Variants in NT5E observed in about 807,000 individuals in gnomAD.
NT5E encodes 5'-nucleotidase.
In NT5E, 53 loss-of-function variants were observed where a neutral mutation model predicts 55.1. The observed-to-expected ratio is 0.96, with a 90% CI of 0.77 to 1.21. NT5E has a LOEUF of 1.21. Ranked by LOEUF, NT5E falls within the 50% of genes most tolerant of loss-of-function variation. The pLI, the probability that NT5E is intolerant of heterozygous loss-of-function variation, is 0.00. For synonymous variants in NT5E, 270 were observed against 278.4 expected, an observed-to-expected ratio of 0.97 and a Z score of 0.30; for missense variants, 683 against 724.3, an observed-to-expected ratio of 0.94 and a Z score of 0.65.
intron 1 of NT5E, among the ~76,000 whole-genome samples, chr6:85,453,812 G>T (rs1394773867): frequency 6.6e-6 from 1 of 152,182 alleles, no homozygotes; most frequent in Non-Finnish European, 1.5e-5. Flanking sequence ...CAGGGGACAG[G>T]TTAGTCAGAT....
intron 3 of NT5E, among the ~76,000 whole-genome samples, chr6:85,474,396 C>T (rs533520612): frequency 6.6e-6 from 1 of 152,152 alleles, no homozygotes; most frequent in African/African-American, 2.4e-5. Context: ...ACTGTATGTG[C>T]CTTTGCTAAG....
intron 5 of NT5E, among the ~76,000 whole-genome samples, chr6:85,489,012 GTC>G (rs1287940190): frequency 2.0e-5 from 3 of 151,602 alleles, no homozygotes; most frequent in African/African-American, 7.3e-5. Flanking sequence ...TCAAAAGGCT[GTC>G]TCTGTCTTTC....
At chr6:85,468,187 G>GTTA (rs1769233291) in intron 2 of NT5E, among the ~76,000 whole-genome samples, 2 of 152,178 alleles carry the variant, frequency 1.3e-5, no homozygotes, top group Admixed American at 6.5e-5. Flanking sequence ...TGTTGTTGTT[G>GTTA]TTATAAAATA....
chr6:85,468,589 T>C (rs1769241060), intron 2 of NT5E, among the ~76,000 whole-genome samples: 1 of 152,076 alleles, frequency 6.6e-6, no homozygotes, highest in Admixed American at 6.6e-5. Context: ...CTGGGATGAA[T>C]ACATGAGAGC....
intron 1 of NT5E, among the ~76,000 whole-genome samples, chr6:85,454,056 C>T (rs952265447): frequency 2.0e-5 from 3 of 152,174 alleles, no homozygotes; most frequent in Non-Finnish European, 2.9e-5. Context: ...ACCTATACAT[C>T]ACTGTGAATT....
intron 3 of NT5E, among the ~76,000 whole-genome samples, chr6:85,479,577 AG>A (rs1217045214): frequency 6.6e-6 from 1 of 152,214 alleles, no homozygotes; most frequent in Admixed American, 6.5e-5. Flanking sequence ...CCTTTCACAC[AG>A]CAGTAGACAA....
intron 1 of NT5E, among the ~76,000 whole-genome samples, chr6:85,463,630 T>C (rs1769135842): frequency 6.6e-6 from 1 of 152,222 alleles, no homozygotes; most frequent in South Asian, 2.1e-4. Context: ...TGTTCTTCTC[T>C]TGGGCAGTCT....
At chr6:85,483,067 T>C (rs1420142131) in intron 3 of NT5E, among the ~76,000 whole-genome samples, 3 of 152,260 alleles carry the variant, frequency 2.0e-5, no homozygotes, top group Non-Finnish European at 4.4e-5. Flanking sequence ...CCTATTTGCA[T>C]AGTAGTGCAT....
At chr6:85,459,830 C>T (rs1022399500) in intron 1 of NT5E, among the ~76,000 whole-genome samples, 4 of 152,118 alleles carry the variant, frequency 2.6e-5, no homozygotes, top group Non-Finnish European at 4.4e-5. Flanking sequence ...TTGGGTAAAC[C>T]CTGTTCACTA....
chr6:85,473,328 G>T (rs1769356489), intron 3 of NT5E, among the ~76,000 whole-genome samples: 1 of 152,162 alleles, frequency 6.6e-6, no homozygotes, highest in Non-Finnish European at 1.5e-5. Context: ...TTTAATATGT[G>T]TAATGAATGT....
chr6:85,479,654 T>A (rs1030896203), intron 3 of NT5E, among the ~76,000 whole-genome samples: 2 of 152,138 alleles, frequency 1.3e-5, no homozygotes, highest in African/African-American at 4.8e-5. Context: ...TGGTCACAGT[T>A]ACCTCCTTTT....
chr6:85,470,761 A>G (rs568366288), intron 2 of NT5E, among the ~76,000 whole-genome samples: 5 of 152,324 alleles, frequency 3.3e-5, no homozygotes, highest in African/African-American at 1.2e-4. Flanking sequence ...TAAAGAGAAC[A>G]TGACAAAGTT....
chr6:85,475,424 C>G (rs566772677), intron 3 of NT5E, among the ~76,000 whole-genome samples: 2 of 152,148 alleles, frequency 1.3e-5, no homozygotes, highest in African/African-American at 4.8e-5. Flanking sequence ...TTCCAAGTAC[C>G]ATGCATATGC....
chr6:85,463,334 T>A (rs1056030263), intron 1 of NT5E, among the ~76,000 whole-genome samples: 3 of 152,150 alleles, frequency 2.0e-5, no homozygotes, highest in African/African-American at 7.2e-5. Context: ...ATGAGCTCAA[T>A]CTTAGTAATG....
intron 7 of NT5E, chr6:85,490,967 G>A: frequency 2.0e-6 from 1 of 506,520 alleles, no homozygotes; most frequent in Admixed American, 2.6e-5. Context: ...TCTTATTTAA[G>A]CATTCAATTA....
chr6:85,485,359 C>A lies in NT5E; in HGVS notation c.876C>A (p.Ile292=). ...AFGKYLGYLK[I]EFDERGNVIS... is the part of the protein sequence containing the mutation. ...GCAAATACCTAGGCTATCTGAAGAT[C>A]GAGTTTGATGAAAGAGGAAACGTCA... Residue 292 remains isoleucine, a synonymous_variant, in exon 4 of 9, where the codon ATC becomes ATA. Transcript: ENST00000257770. 1.2e-6 allele frequency: 2 copies of A among 1,614,122 alleles called. No homozygotes were observed. The highest frequency in any genetic ancestry group is 1.7e-6 in the Non-Finnish European group (2 of 1,180,000).
rs1769847903 is a variant in NT5E, at chr6:85,494,316, T to C, written c.*312T>C. ...TTTTCTTCTTCATATCCATTTCTAA[T>C]CCATCAAACAGCTTATGTTTACATA... On this transcript the variant is annotated 3_prime_UTR_variant, in exon 9 of 9. Coordinates refer to ENST00000257770, the MANE Select transcript of NT5E (RefSeq NM_002526.4). The C allele has an allele frequency of 6.3e-6, 2 of 319,968 alleles. No homozygotes were observed. Among genetic ancestry groups the C allele is most frequent in the East Asian group, 6.4e-5 (1 of 15,580 alleles). 19.8% of individuals were successfully genotyped at this position (319,968 alleles called of 1,614,324 possible). A position where few individuals can be genotyped will look rare whatever the true frequency, so the allele number is the denominator to read the frequency against.
At chr6:85,459,796 A>G (rs959453558) in intron 1 of NT5E, among the ~76,000 whole-genome samples, 38 of 152,208 alleles carry the variant, frequency 2.5e-4, no homozygotes, top group Admixed American at 2.5e-3. Context: ...TTTGATGTGG[A>G]TAGCTTATAA....
At position 85,450,295 on chromosome 6, in the gene NT5E, C is replaced by T; in HGVS notation, c.156C>T (p.Val52=). ...EQTSEDSSKC[V]NASRCMGGVA... is the part of the protein sequence containing the mutation. ...CCAGCGAGGACTCCAGCAAGTGCGT[C>T]AACGCCAGCCGCTGCATGGGTGGCG... Residue 52 remains valine, a synonymous_variant, in exon 1 of 9, where the codon GTC becomes GTT. Transcript: ENST00000257770. The surrounding 1 kb of genome is among the most constrained non-coding windows in gnomAD (Gnocchi z 4.0). 6.2e-7 allele frequency: 1 copy of T among 1,605,500 alleles called. No homozygotes were observed. Among genetic ancestry groups the T allele is most frequent in the Non-Finnish European group, 8.5e-7 (1 of 1,177,132 alleles).
Sources: allele counts gnomAD v4.1 joint callset (sites outside exome capture counted in the v4.1 genomes callset), GRCh38; gene constraint gnomAD v4.1.1; non-coding constraint Gnocchi (gnomAD v3.1); transcripts MANE v1.5; gene names NCBI Gene and HGNC (gene_info 2026-07-23, HGNC 2026-07-21).